Variants in PCLO observed in about 807,000 individuals in gnomAD.
The protein encoded by PCLO is piccolo presynaptic cytomatrix protein, also known as protein piccolo.
Under a neutral mutation model 427.5 loss-of-function variants are expected in PCLO, and 82 were observed. That is an observed-to-expected ratio of 0.19 (90% CI 0.16 to 0.23). The LOEUF is 0.23. Ranked by LOEUF, PCLO falls within the 10% of genes least tolerant of loss-of-function variation. PCLO has a pLI of 1.00. For synonymous variants in PCLO, 2,357 were observed against 2,155.4 expected (o/e 1.09, Z -2.59); for missense variants, 6,239 against 6,115.9 (o/e 1.02, Z -0.67).
chr7:82,875,825 TA>T (rs2116020609), intron 10 of PCLO, among the ~76,000 whole-genome samples: 1 of 152,104 alleles, frequency 6.6e-6, no homozygotes, highest in South Asian at 2.1e-4. Flanking sequence ...ACTATAAAAA[TA>T]AAAGCTATAC....
intron 3 of PCLO, among the ~76,000 whole-genome samples, chr7:83,013,474 G>C (rs2116007381): frequency 6.6e-6 from 1 of 152,254 alleles, no homozygotes; most frequent in Non-Finnish European, 1.5e-5. Flanking sequence ...TTAAAAGTGT[G>C]TATAGAAGTG....
intron 3 of PCLO, among the ~76,000 whole-genome samples, chr7:83,083,048 C>A (rs1260284036): frequency 7.0e-6 from 1 of 142,272 alleles, no homozygotes; most frequent in East Asian, 2.4e-4. Context: ...AACACTGATA[C>A]AATCAACTAT....
At position 83,135,408 on chromosome 7, in the gene PCLO, G is replaced by A. The variant is rs1304702122; in HGVS notation, c.2142C>T (p.Gly714=). 6.2e-7 allele frequency: 1 copy of A among 1,613,960 alleles called. No homozygotes were observed. Residue 714 remains glycine (G), a synonymous_variant, in exon 3 of 25, where the codon GGC becomes GGT. Coordinates refer to ENST00000333891, the MANE Select transcript of PCLO (RefSeq NM_033026.6). ...PPLVKQPTLH[G]SPSAKAKQPP... is the part of the protein sequence containing the mutation. The stretch of plus-strand genomic sequence containing the variant: ...GCTGCTTGGCCTTGGCTGAAGGAGA[G>A]CCATGAAGGGTTGGTTGTTTCACTA...
Position 82,949,590 on chromosome 7 carries a change from T to C in PCLO, c.10998A>G (p.Pro3666=), listed in dbSNP as rs566375554. The part of the protein sequence containing the change: ...VLHPDMAKVP[P]ASPKTAKMMQ... ...TCATCTTGGCTGTCTTAGGACTTGCTGGGGGAACTTTAGCCATATCTGGAT... is the reference window on the plus strand; with the variant it reads ...TCATCTTGGCTGTCTTAGGACTTGCCGGGGGAACTTTAGCCATATCTGGAT... Residue 3666 remains proline (P), a synonymous_variant, in exon 6 of 25, where the codon CCA becomes CCG. Transcript: ENST00000333891. 5.8e-5 allele frequency: 93 copies of C among 1,613,880 alleles called. No homozygotes were observed. The South Asian group carries it at 9.7e-4, about 17-fold the overall frequency.
At chr7:82,813,410 C>T (rs1235560020) in intron 20 of PCLO, among the ~76,000 whole-genome samples, 1 of 151,520 alleles carries the variant, frequency 6.6e-6, no homozygotes, top group Non-Finnish European at 1.5e-5. Context: ...TATGATAGAA[C>T]CAGAGGCAGA....
intron 22 of PCLO, among the ~76,000 whole-genome samples, chr7:82,783,395 A>C (rs1019712212): frequency 6.6e-6 from 1 of 152,164 alleles, no homozygotes; most frequent in African/African-American, 2.4e-5. Flanking sequence ...CGAGCGGATC[A>C]CGACGTCAGG....
chr7:82,761,116 T>C (rs1012188789), intron 23 of PCLO, among the ~76,000 whole-genome samples: 1 of 151,680 alleles, frequency 6.6e-6, no homozygotes, highest in Non-Finnish European at 1.5e-5. Flanking sequence ...CTAACTGATA[T>C]ATCTATTTTT....
chr7:82,910,439 G>C (rs997782789), intron 7 of PCLO, among the ~76,000 whole-genome samples: 32 of 152,078 alleles, frequency 2.1e-4, no homozygotes, highest in African/African-American at 7.0e-4. Context: ...TGTGTCATGG[G>C]TTAAGCAGTC....
intron 8 of PCLO, among the ~76,000 whole-genome samples, chr7:82,903,999 A>C (rs1196982197): frequency 6.6e-6 from 1 of 151,982 alleles, no homozygotes; most frequent in Non-Finnish European, 1.5e-5. Flanking sequence ...GGAAAGAATA[A>C]GCTTAAGCAG....
intron 22 of PCLO, among the ~76,000 whole-genome samples, chr7:82,784,580 AT>A (rs1382273828): frequency 6.6e-6 from 1 of 151,948 alleles, no homozygotes; most frequent in Non-Finnish European, 1.5e-5. Context: ...TTTAGTTTAT[AT>A]TTTTCCCTTT....
At chr7:83,097,889 T>A (rs2116475104) in intron 3 of PCLO, among the ~76,000 whole-genome samples, 1 of 152,166 alleles carries the variant, frequency 6.6e-6, no homozygotes, top group Non-Finnish European at 1.5e-5. Flanking sequence ...ATGGAAAAGA[T>A]TCCTCTTTAA....
chr7:82,775,261 T>A (rs1790725935), intron 22 of PCLO, among the ~76,000 whole-genome samples: 1 of 152,240 alleles, frequency 6.6e-6, no homozygotes, highest in Non-Finnish European at 1.5e-5. Context: ...TTAAATAGCA[T>A]GATTGTGGAA....
intron 22 of PCLO, among the ~76,000 whole-genome samples, chr7:82,779,959 G>C (rs1394529159): frequency 2.6e-5 from 4 of 152,076 alleles, no homozygotes; most frequent in African/African-American, 9.7e-5. Context: ...TGAACTAATA[G>C]AGTGTTCAGC....
At chr7:83,071,729 G>A (rs1232327219) in intron 3 of PCLO, among the ~76,000 whole-genome samples, 1 of 152,092 alleles carries the variant, frequency 6.6e-6, no homozygotes, top group Non-Finnish European at 1.5e-5. Flanking sequence ...AAGAACAAAA[G>A]TTAGAAGGAT....
chr7:82,891,096 CTG>C (rs1384579794), intron 9 of PCLO, among the ~76,000 whole-genome samples: 1 of 151,922 alleles, frequency 6.6e-6, no homozygotes, highest in Non-Finnish European at 1.5e-5. Context: ...GGGCTTATTG[CTG>C]TGTTTATTTG....
chr7:83,093,578 C>T (rs1351634018), intron 3 of PCLO, among the ~76,000 whole-genome samples: 2 of 145,142 alleles, frequency 1.4e-5, no homozygotes, highest in Non-Finnish European at 1.5e-5. Context: ...CTGCAAGCTC[C>T]GCCTCCCGGG....
intron 12 of PCLO, 126 bp downstream of exon 12, chr7:82,846,441 C>T: frequency 1.6e-6 from 1 of 642,276 alleles, no homozygotes; most frequent in Non-Finnish European, 2.7e-6. Context: ...AAAATCTATC[C>T]ATAACTTTAT....
At chr7:83,098,485 T>C (rs1403083506) in intron 3 of PCLO, among the ~76,000 whole-genome samples, 1 of 152,186 alleles carries the variant, frequency 6.6e-6, no homozygotes, top group Non-Finnish European at 1.5e-5. Context: ...ATGACAACTG[T>C]AGGTTCTAAC....
chr7:82,854,083 A>T (rs1253597380), intron 10 of PCLO, among the ~76,000 whole-genome samples: 1 of 152,110 alleles, frequency 6.6e-6, no homozygotes, highest in African/African-American at 2.4e-5. Context: ...CATAGAAATC[A>T]TGTCATCTAA....
Sources: gnomAD v4.1 joint callset for allele counts (sites outside exome capture counted in the v4.1 genomes callset) on GRCh38, gnomAD v4.1.1 for gene constraint, MANE v1.5 for transcripts, NCBI Gene and HGNC (gene_info 2026-07-23, HGNC 2026-07-21) for gene names.